The following OSBPL9 variants were observed in gnomAD, a reference collection of about 807,000 sequenced individuals.
OSBPL9 encodes the protein oxysterol-binding protein-related protein 9.
Under a neutral mutation model 106.6 loss-of-function variants are expected in OSBPL9, and 40 were observed. That is an observed-to-expected ratio of 0.38 (90% confidence interval 0.29 to 0.49). The LOEUF (loss-of-function observed/expected upper bound fraction) is 0.49. OSBPL9 is among the 20% of genes least tolerant of loss of function. OSBPL9 has a pLI of 0.97. For synonymous variants in OSBPL9, 269 were observed against 295.4 expected (o/e 0.91, Z 0.92); for missense variants, 609 against 887.2 (o/e 0.69, Z 3.98).
the OSBPL9 span, among the ~76,000 whole-genome samples, chr1:51,568,108 G>T: frequency 1.3e-5 from 2 of 152,208 alleles, no homozygotes; most frequent in Admixed American, 6.5e-5. Context: ...GCCTAAAGGG[G>T]CTAGAAGGAG....
chr1:51,579,274 C>T (rs1418185638), intron 1 of OSBPL9, among the ~76,000 whole-genome samples: 1 of 151,962 alleles, frequency 6.6e-6, no homozygotes, highest in East Asian at 1.9e-4. Context: ...TAGAAGTGAT[C>T]AATAAATACT....
At chr1:51,647,380 C>T (rs760053694) in intron 1 of OSBPL9, among the ~76,000 whole-genome samples, 26 of 151,994 alleles carry the variant, frequency 1.7e-4, no homozygotes, top group South Asian at 4.2e-4. Flanking sequence ...CTGTTTTTTA[C>T]GTACGATTTT....
At chr1:51,604,449 G>C (rs1235241503) in intron 2 of OSBPL9, among the ~76,000 whole-genome samples, 1 of 151,674 alleles carries the variant, frequency 6.6e-6, no homozygotes, top group Non-Finnish European at 1.5e-5. Flanking sequence ...CCAGCTGCTC[G>C]GGAGGCTGAG....
intron 2 of OSBPL9, among the ~76,000 whole-genome samples, chr1:51,599,206 T>A (rs937127626): frequency 2.0e-5 from 3 of 152,262 alleles, no homozygotes; most frequent in Non-Finnish European, 4.4e-5. Flanking sequence ...GACTGAGACC[T>A]CATCTCTAAA....
the OSBPL9 span, among the ~76,000 whole-genome samples, chr1:51,540,933 T>A: frequency 6.8e-6 from 1 of 146,420 alleles, no homozygotes; most frequent in Non-Finnish European, 1.5e-5. Flanking sequence ...CACTCCAGCC[T>A]AGGCAACAGA....
chr1:51,626,188 A>G (rs1644754367), intron 1 of OSBPL9, among the ~76,000 whole-genome samples: 1 of 152,196 alleles, frequency 6.6e-6, no homozygotes, highest in African/African-American at 2.4e-5. Flanking sequence ...CTTACCAGAG[A>G]CAATAGTCCA....
chr1:51,601,344 C>G (rs1645324670), intron 2 of OSBPL9, among the ~76,000 whole-genome samples: 1 of 152,190 alleles, frequency 6.6e-6, no homozygotes, highest in South Asian at 2.1e-4. Context: ...CCCTGCAGAT[C>G]AGTGAGAACT....
chr1:51,525,787 A>G, the OSBPL9 span, among the ~76,000 whole-genome samples: 1 of 152,158 alleles, frequency 6.6e-6, no homozygotes, highest in African/African-American at 2.4e-5. Flanking sequence ...ATTTATTTAC[A>G]TCACCCAGCT....
intron 3 of OSBPL9, among the ~76,000 whole-genome samples, chr1:51,687,416 A>G (rs569015656): frequency 6.6e-6 from 1 of 152,260 alleles, no homozygotes; most frequent in Non-Finnish European, 1.5e-5. Flanking sequence ...ATTTGGAACA[A>G]ATAATTACAG....
intron 1 of OSBPL9, among the ~76,000 whole-genome samples, chr1:51,631,059 C>T (rs913559445): frequency 6.6e-6 from 1 of 152,176 alleles, no homozygotes; most frequent in Admixed American, 6.5e-5. Context: ...TGGCCTCACT[C>T]TGAGGTTAGG....
intron 23 of OSBPL9, 25 bp from the exon 24 acceptor site, chr1:51,787,690 T>G: frequency 1.2e-6 from 2 of 1,606,540 alleles, no homozygotes; most frequent in Non-Finnish European, 1.7e-6. Context: ...AATATGTAAC[T>G]AAATTCTTCC....
intron 4 of OSBPL9, among the ~76,000 whole-genome samples, chr1:51,721,289 A>G (rs764995995): frequency 1.3e-5 from 2 of 152,148 alleles, no homozygotes; most frequent in Non-Finnish European, 2.9e-5. Flanking sequence ...CATTAGAAAT[A>G]CCATTGAGTC....
intron 20 of OSBPL9, 84 bp downstream of exon 20, chr1:51,784,666 G>A (rs1677185558): frequency 6.9e-7 from 1 of 1,449,700 alleles, no homozygotes; most frequent in South Asian, 1.3e-5. Flanking sequence ...TGGATTAGGA[G>A]TGTGAAAGAA....
intron 2 of OSBPL9, among the ~76,000 whole-genome samples, chr1:51,602,277 GGATTACAGGCGT>G (rs1485252113): frequency 1.3e-5 from 2 of 151,684 alleles, no homozygotes; most frequent in Non-Finnish European, 2.9e-5. Flanking sequence ...CAAAGTGCTG[GGATTACAGGCGT>G]GAGCCACCGC....
At chr1:51,674,538 G>A (rs1650714326) in intron 3 of OSBPL9, among the ~76,000 whole-genome samples, 1 of 152,212 alleles carries the variant, frequency 6.6e-6, no homozygotes, top group African/African-American at 2.4e-5. Flanking sequence ...TTGGATCTGA[G>A]TCTGGGCTGG....
chr1:51,756,419 A>G (rs747784753), intron 9 of OSBPL9, 61 bp downstream of exon 9: 41 of 1,509,916 alleles, frequency 2.7e-5, no homozygotes, highest in Non-Finnish European at 3.4e-5. Context: ...AACCAGTCAT[A>G]TCAGGAGAAG....
intron 1 of OSBPL9, among the ~76,000 whole-genome samples, chr1:51,596,248 G>T (rs1190479218): frequency 7.8e-6 from 1 of 127,736 alleles, no homozygotes; most frequent in Non-Finnish European, 1.6e-5. Context: ...AACAGAGTGA[G>T]ACGCTGTCTC....
chr1:51,697,160 T>C (rs1656196965), intron 3 of OSBPL9, among the ~76,000 whole-genome samples: 1 of 146,748 alleles, frequency 6.8e-6, no homozygotes, highest in Non-Finnish European at 1.5e-5. Flanking sequence ...ACCGTATTTC[T>C]CAAAAAAAGA....
chr1:51,539,020 C>T, the OSBPL9 span, among the ~76,000 whole-genome samples: 1 of 152,188 alleles, frequency 6.6e-6, no homozygotes, highest in Non-Finnish European at 1.5e-5. Flanking sequence ...TCTGCAGACT[C>T]TCTTCCTAGA....
Sources: gnomAD v4.1 joint callset for allele counts (sites outside exome capture counted in the v4.1 genomes callset) on GRCh38, gnomAD v4.1.1 for gene constraint, MANE v1.5 for transcripts, NCBI Gene and HGNC (gene_info 2026-07-23, HGNC 2026-07-21) for gene names.